The following DYRK1A variants were observed in gnomAD, a reference collection of about 807,000 sequenced individuals.
DYRK1A encodes dual specificity tyrosine-phosphorylation-regulated kinase 1A.
A neutral mutation model predicts 79.7 loss-of-function variants in DYRK1A; 9 were observed. The observed-to-expected ratio is 0.11, with a 90% confidence interval of 0.07 to 0.20. The LOEUF is 0.20. Among genes scored for constraint, DYRK1A ranks in the 10% least tolerant of loss-of-function variants. The pLI is 1.00. For missense variants in DYRK1A, 622 were observed against 956.0 expected (o/e 0.65, Z 4.61); for synonymous variants, 349 against 329.7 (o/e 1.06, Z -0.63).
intron 2 of DYRK1A, among the ~76,000 whole-genome samples, chr21:37,458,373 T>G (rs1412209377): frequency 6.6e-6 from 1 of 152,010 alleles, no homozygotes; most frequent in African/African-American, 2.4e-5. Context: ...TTTTTGATTT[T>G]GAAAAAAATG....
At chr21:37,394,484 C>T (rs1416909108) in intron 1 of DYRK1A, among the ~76,000 whole-genome samples, 1 of 152,122 alleles carries the variant, frequency 6.6e-6, no homozygotes, top group African/African-American at 2.4e-5. Flanking sequence ...GGTCTCCAGC[C>T]ACTGGGCCGT....
At chr21:37,414,967 C>T (rs1472211912) in intron 1 of DYRK1A, among the ~76,000 whole-genome samples, 2 of 152,186 alleles carry the variant, frequency 1.3e-5, no homozygotes, top group East Asian at 1.9e-4. Context: ...TACTACTTTA[C>T]AATTACTGAT....
At chr21:37,461,213 T>G (rs1011883165) in intron 2 of DYRK1A, among the ~76,000 whole-genome samples, 1 of 152,164 alleles carries the variant, frequency 6.6e-6, no homozygotes, top group Non-Finnish European at 1.5e-5. Context: ...TATTTTTGAT[T>G]TTCAAATATA....
At chr21:37,484,624 C>T (rs1003969623) in intron 5 of DYRK1A, among the ~76,000 whole-genome samples, 1 of 152,158 alleles carries the variant, frequency 6.6e-6, no homozygotes, top group Non-Finnish European at 1.5e-5. Flanking sequence ...AGCTGCTGTA[C>T]AGGGCCTAAT....
chr21:37,421,373 TA>T (rs1192012724), intron 2 of DYRK1A, among the ~76,000 whole-genome samples: 3 of 152,160 alleles, frequency 2.0e-5, no homozygotes, highest in Non-Finnish European at 4.4e-5. Flanking sequence ...TTTAAGATTT[TA>T]AAAAATTGTT....
At chr21:37,476,825 C>CG (rs57851376) in intron 3 of DYRK1A, among the ~76,000 whole-genome samples, 3 of 145,630 alleles carry the variant, frequency 2.1e-5, no homozygotes, top group South Asian at 4.4e-4. Context: ...GGTTCCCCCC[C>CG]CCCCCAACCT....
chr21:37,502,094 T>C (rs746120693), intron 9 of DYRK1A: 1 of 152,166 alleles, frequency 6.6e-6, no homozygotes, highest in Non-Finnish European at 1.5e-5. Flanking sequence ...TGTGTAGATA[T>C]GAAAGATATG....
chr21:37,387,515 T>C (rs559007423), intron 1 of DYRK1A, among the ~76,000 whole-genome samples: 4 of 152,356 alleles, frequency 2.6e-5, no homozygotes, highest in East Asian at 3.9e-4. Context: ...ATAAAAAATA[T>C]CCGACAGTTG....
intron 5 of DYRK1A, among the ~76,000 whole-genome samples, chr21:37,484,963 A>T (rs1460990031): frequency 6.6e-6 from 1 of 152,112 alleles, no homozygotes; most frequent in Non-Finnish European, 1.5e-5. Context: ...ACTTGGTCAG[A>T]CTTTCTCCAC....
intron 1 of DYRK1A, among the ~76,000 whole-genome samples, chr21:37,368,944 C>T (rs1014742727): frequency 4.6e-5 from 7 of 152,036 alleles, no homozygotes; most frequent in African/African-American, 1.7e-4. Context: ...GTGATGAGGC[C>T]TGTTAATAAA....
At chr21:37,398,163 TACACACACACACATAC>T (rs1248220521) in intron 1 of DYRK1A, among the ~76,000 whole-genome samples, 3 of 149,142 alleles carry the variant, frequency 2.0e-5, no homozygotes, top group Non-Finnish European at 3.0e-5. Context: ...CCCTGCAGTG[TACACACACACACATAC>T]ACACACACAA....
chr21:37,469,125 A>C (rs2052134282), intron 2 of DYRK1A, among the ~76,000 whole-genome samples: 1 of 152,232 alleles, frequency 6.6e-6, no homozygotes, highest in African/African-American at 2.4e-5. Flanking sequence ...CAGCACAAAT[A>C]CACTTAGCAT....
intron 9 of DYRK1A, among the ~76,000 whole-genome samples, chr21:37,499,033 A>G (rs947829220): frequency 1.3e-4 from 19 of 151,984 alleles, no homozygotes; most frequent in Admixed American, 1.0e-3. Flanking sequence ...TGTCACATGT[A>G]TGTCAGTGTA....
chr21:37,372,941 A>G (rs962387279), intron 1 of DYRK1A, among the ~76,000 whole-genome samples: 3 of 152,202 alleles, frequency 2.0e-5, no homozygotes, highest in Non-Finnish European at 4.4e-5. Context: ...GTTCTTATAT[A>G]TAATTGTTCA....
At chr21:37,377,977 G>A (rs1012222042) in intron 1 of DYRK1A, among the ~76,000 whole-genome samples, 6 of 152,208 alleles carry the variant, frequency 3.9e-5, no homozygotes, top group Non-Finnish European at 8.8e-5. Context: ...TTGAATATAT[G>A]TTGCCATATT....
chr21:37,399,346 C>G (rs955507037), intron 1 of DYRK1A, among the ~76,000 whole-genome samples: 11 of 152,134 alleles, frequency 7.2e-5, no homozygotes, highest in Admixed American at 3.9e-4. Flanking sequence ...GTGATTGCTG[C>G]TACCCCATTA....
At chr21:37,403,419 C>A (rs1053787727) in intron 1 of DYRK1A, among the ~76,000 whole-genome samples, 1 of 151,680 alleles carries the variant, frequency 6.6e-6, no homozygotes, top group South Asian at 2.1e-4. Flanking sequence ...TCACATTTTT[C>A]TGTTTCTTTG....
intron 2 of DYRK1A, among the ~76,000 whole-genome samples, chr21:37,458,658 A>T (rs1373535662): frequency 2.6e-5 from 4 of 152,166 alleles, no homozygotes; most frequent in Non-Finnish European, 5.9e-5. Flanking sequence ...GGGACGCCTA[A>T]GTCCTAGCCT....
At chr21:37,481,632 G>A (rs1004746591) in intron 5 of DYRK1A, 1 of 152,214 alleles carries the variant, frequency 6.6e-6, no homozygotes, top group African/African-American at 2.4e-5. Flanking sequence ...CTGACCTCAG[G>A]TAATCCGCTC....
Sources: gnomAD v4.1 joint callset for allele counts (sites outside exome capture counted in the v4.1 genomes callset) on GRCh38, gnomAD v4.1.1 for gene constraint, MANE v1.5 for transcripts, NCBI Gene and HGNC (gene_info 2026-07-23, HGNC 2026-07-21) for gene names.